Variants in PCCA observed in about 807,000 individuals in gnomAD.
PCCA encodes the protein propionyl-CoA carboxylase alpha chain, mitochondrial.
PCCA carries 74 observed loss-of-function variants against 101.3 expected under a neutral mutation model. The ratio of observed to expected loss-of-function variants is 0.73; its 90% CI spans 0.61 to 0.89. The LOEUF (loss-of-function observed/expected upper bound fraction) is 0.89. Among genes scored for constraint, PCCA ranks in the 40% least tolerant of loss-of-function variants. The probability of loss-of-function intolerance (pLI) is 0.00; values close to 1 mark genes in which losing one functional copy is unlikely to be tolerated. For missense variants in PCCA, 891 were observed against 907.0 expected (o/e 0.98, Z 0.23); for synonymous variants, 294 against 313.6 (o/e 0.94, Z 0.66).
intron 22 of PCCA, among the ~76,000 whole-genome samples, chr13:100,525,892 G>C (rs186278910): frequency 6.6e-6 from 1 of 152,334 alleles, no homozygotes; most frequent in South Asian, 2.1e-4. Flanking sequence ...TGCCCAGAGC[G>C]GGAGAGTGGA....
intron 1 of PCCA, among the ~76,000 whole-genome samples, chr13:100,096,434 C>T (rs376572684): frequency 4.5e-4 from 68 of 152,226 alleles, no homozygotes; most frequent in African/African-American, 1.6e-3. Context: ...TATGTCTCTC[C>T]CTCTCCTCAG....
At chr13:100,405,856 T>C (rs1403423619) in intron 19 of PCCA, among the ~76,000 whole-genome samples, 1 of 142,258 alleles carries the variant, frequency 7.0e-6, no homozygotes, top group Non-Finnish European at 1.5e-5. Flanking sequence ...AACCTCCAAC[T>C]CCTGGGTTCA....
chr13:100,151,130 A>G (rs2053260625), intron 4 of PCCA: 3 of 1,064,558 alleles, frequency 2.8e-6, no homozygotes, highest in African/African-American at 1.6e-5. Flanking sequence ...CAGACGGAAG[A>G]AAAGAAGTTT....
intron 6 of PCCA, among the ~76,000 whole-genome samples, chr13:100,162,471 C>T (rs921725946): frequency 6.6e-6 from 1 of 152,196 alleles, no homozygotes; most frequent in African/African-American, 2.4e-5. Flanking sequence ...TGCATTGGAA[C>T]TGGGCTGGGC....
intron 20 of PCCA, among the ~76,000 whole-genome samples, chr13:100,438,972 C>A (rs1189853211): frequency 6.6e-6 from 1 of 152,162 alleles, no homozygotes; most frequent in Non-Finnish European, 1.5e-5. Context: ...GGAATGTAGT[C>A]CTACCAAAAC....
intron 21 of PCCA, among the ~76,000 whole-genome samples, chr13:100,488,304 G>T (rs61970537): frequency 6.6e-6 from 1 of 151,904 alleles, no homozygotes; most frequent in Non-Finnish European, 1.5e-5. Context: ...TGTTGGTTGG[G>T]CTGGTCTTGA....
rs58649291 is a variant in PCCA at position 100,458,361 on chromosome 13, TACACAC to T, written c.1899+9077_1899+9082del. Among the ~76,000 whole-genome samples, 82 of 101,424 alleles carry T rather than the reference TACACAC, an allele frequency of 8.1e-4. 1 individual carries two copies. The highest frequency in any genetic ancestry group is 1.2e-3 in the South Asian group (3 of 2,446). 66.5% of individuals were successfully genotyped at this position (101,424 alleles called of 152,430 possible). A position where few individuals can be genotyped will look rare whatever the true frequency, so the allele number is the denominator to read the frequency against. On this transcript the variant is annotated intron_variant, in intron 21 of 23. Transcript: ENST00000376285. ...CACACACACAGTGGGACCCCATCTC[TACACAC>T]ACACACACACACACACACACGCACA... is the stretch of plus-strand genomic sequence containing the variant.
At chr13:100,177,960 T>G (rs1047310751) in intron 6 of PCCA, among the ~76,000 whole-genome samples, 1 of 152,184 alleles carries the variant, frequency 6.6e-6, no homozygotes, top group African/African-American at 2.4e-5. Context: ...TTCCCTGTTA[T>G]AACAGTTCTA....
At chr13:100,350,447 C>A (rs1018179783) in intron 18 of PCCA, among the ~76,000 whole-genome samples, 1 of 152,100 alleles carries the variant, frequency 6.6e-6, no homozygotes, top group African/African-American at 2.4e-5. Context: ...CTAAAAGCAA[C>A]AAGATGGGAG....
intron 6 of PCCA, among the ~76,000 whole-genome samples, chr13:100,204,822 C>T (rs2058755853): frequency 6.6e-6 from 1 of 152,078 alleles, no homozygotes; most frequent in African/African-American, 2.4e-5. Flanking sequence ...CTGTGTTGCC[C>T]ATGCTGAAGT....
intron 10 of PCCA, among the ~76,000 whole-genome samples, chr13:100,266,556 A>G (rs117536735): frequency 8.0e-4 from 122 of 152,280 alleles, no homozygotes; most frequent in South Asian, 4.1e-3. Flanking sequence ...CTTTTACTCT[A>G]TTCTAAGTCC....
At chr13:100,403,226 A>C (rs2077472541) in intron 19 of PCCA, among the ~76,000 whole-genome samples, 2 of 152,290 alleles carry the variant, frequency 1.3e-5, no homozygotes, top group South Asian at 4.1e-4. Context: ...AGTTGAGAAC[A>C]AAATTTGGGG....
intron 19 of PCCA, among the ~76,000 whole-genome samples, chr13:100,411,618 A>G (rs2078055789): frequency 6.6e-6 from 1 of 152,192 alleles, no homozygotes; most frequent in African/African-American, 2.4e-5. Context: ...GGCTTAAACA[A>G]CAGTCATTTA....
At chr13:100,412,896 T>C (rs183609356) in intron 19 of PCCA, among the ~76,000 whole-genome samples, 12 of 152,334 alleles carry the variant, frequency 7.9e-5, no homozygotes, top group Admixed American at 7.2e-4. Flanking sequence ...AATCAATTTG[T>C]AATCCACCAA....
intron 22 of PCCA, among the ~76,000 whole-genome samples, chr13:100,517,471 T>C (rs1476617646): frequency 1.3e-5 from 2 of 152,212 alleles, no homozygotes; most frequent in Admixed American, 6.5e-5. Flanking sequence ...AGCTCAGATA[T>C]TAAAAACACC....
At chr13:100,401,556 GTTTT>G (rs71717873) in intron 19 of PCCA, among the ~76,000 whole-genome samples, 2 of 151,602 alleles carry the variant, frequency 1.3e-5, no homozygotes, top group Admixed American at 6.6e-5. Flanking sequence ...GTTTTTTTGT[GTTTT>G]TTTTATTTTT....
rs562567029 is a variant in PCCA at position 100,131,770 on chromosome 13, T to C, written c.300+19709T>C. Among the ~76,000 whole-genome samples the C allele has an allele frequency of 3.3e-5, 5 of 152,346 alleles. No homozygotes were observed. In the South Asian group the frequency reaches 1.0e-3, roughly 32 times the overall value. On this transcript the variant is annotated intron_variant, in intron 4 of 23. Coordinates refer to ENST00000376285, the MANE Select transcript of PCCA (RefSeq NM_000282.4). ...AACAAATACCGTTGAGCACTTGTTA[T>C]GTGAAGATGCTCCACATCTTTTGAA...
chr13:100,517,544 G>A (rs777479259), intron 22 of PCCA, among the ~76,000 whole-genome samples: 3 of 152,042 alleles, frequency 2.0e-5, no homozygotes, highest in Non-Finnish European at 4.4e-5. Flanking sequence ...AATATGTTAC[G>A]GCAGAGCAAC....
In PCCA at chr13:100,111,929, ATTAT is replaced by A. The variant is rs147037340; in HGVS notation, c.231+47_231+50del. The A allele has an allele frequency of 0.095, 150,832 of 1,586,396 alleles. 7,910 individuals carry two copies. The highest frequency in any genetic ancestry group is 0.14 in the Middle Eastern group (800 of 5,586). ...GTCTTATTTTCCATTTTACTCTGAA[ATTAT>A]TTATTAAACCCCTTTAAGTGTGAAT... On this transcript the variant is annotated intron_variant, in intron 3 of 23. Coordinates refer to ENST00000376285, the MANE Select transcript of PCCA (RefSeq NM_000282.4).
Sources: allele counts gnomAD v4.1 joint callset (sites outside exome capture counted in the v4.1 genomes callset), GRCh38; gene constraint gnomAD v4.1.1; transcripts MANE v1.5; gene names NCBI Gene and HGNC (gene_info 2026-07-23, HGNC 2026-07-21).